ALG8: variants seen among roughly 807,000 people sequenced by gnomAD.
ALG8 encodes the protein dolichyl pyrophosphate Glc1Man9GlcNAc2 alpha-1,3-glucosyltransferase.
ALG8 carries 48 observed loss-of-function variants against 70.2 expected under a neutral mutation model. The ratio of observed to expected loss-of-function variants is 0.68; its 90% CI spans 0.54 to 0.87. The LOEUF is 0.87. Ranked by LOEUF, ALG8 falls within the 40% of genes least tolerant of loss-of-function variation. The pLI, the probability that ALG8 is intolerant of heterozygous loss-of-function variation, is 0.00. For synonymous variants in ALG8, 234 were observed against 229.0 expected, an observed-to-expected ratio of 1.02 and a Z score of -0.20; for missense variants, 572 against 608.7, an observed-to-expected ratio of 0.94 and a Z score of 0.64.
intron 12 of ALG8, among the ~76,000 whole-genome samples, chr11:78,101,870 G>A (rs759758731): frequency 5.9e-5 from 9 of 152,140 alleles, no homozygotes; most frequent in East Asian, 5.8e-4. Context: ...GAGATGGAGC[G>A]TTGCTCTGTC....
At chr11:78,112,337 A>G (rs370175906) in intron 8 of ALG8, 34 of 348,430 alleles carry the variant, frequency 9.8e-5, no homozygotes, top group East Asian at 8.0e-4. Context: ...AGCAGGGTTA[A>G]CTGCTGCTGC....
chr11:78,130,644 A>ATCTC (rs1346254701), intron 1 of ALG8, among the ~76,000 whole-genome samples: 18 of 151,970 alleles, frequency 1.2e-4, no homozygotes, highest in Non-Finnish European at 2.2e-4. Context: ...TCTTTACTTT[A>ATCTC]TGGTTTTCCC....
chr11:78,128,009 A>G (rs1354279799), intron 1 of ALG8, among the ~76,000 whole-genome samples: 1 of 152,150 alleles, frequency 6.6e-6, no homozygotes, highest in Non-Finnish European at 1.5e-5. Context: ...GCCTAGCCCA[A>G]ACTTTTTCTT....
chr11:78,112,306 T>C (rs571861906), intron 8 of ALG8: 70 of 337,982 alleles, frequency 2.1e-4, no homozygotes, highest in South Asian at 1.6e-3. Flanking sequence ...TGAATAGGAA[T>C]GGTGAGAAGG....
chr11:78,127,278 GAAAACATTTTTAATATCAGTAAT>G (rs1252836175), intron 2 of ALG8, 57 bp downstream of exon 2: 1 of 1,347,586 alleles, frequency 7.4e-7, no homozygotes, highest in African/African-American at 1.5e-5. Context: ...CACCCAGCCA[GAAAACATTTTTAATATCAGTAAT>G]ATTTACCTAG....
intron 5 of ALG8, among the ~76,000 whole-genome samples, chr11:78,115,367 A>G (rs1860510369): frequency 6.6e-6 from 1 of 151,382 alleles, no homozygotes; most frequent in African/African-American, 2.4e-5. Context: ...TATAAGGAAA[A>G]CATAGGCAAG....
At position 78,119,953 on chromosome 11, in the gene ALG8, T is replaced by G. The variant is rs541577399; in HGVS notation, c.479-704A>C. 1.2e-3 allele frequency among the ~76,000 whole-genome samples: 180 copies of G among 151,836 alleles called. 1 individual carries two copies. Among genetic ancestry groups the G allele is most frequent in the African/African-American group, 4.2e-3 (173 of 41,412 alleles). Reference sequence around the variant, plus strand: ...CCCGTCTCTACCGAAAATACAAAACTTAGTCAGATGTGGTGGCACACACCT... The same window carrying G: ...CCCGTCTCTACCGAAAATACAAAACGTAGTCAGATGTGGTGGCACACACCT... On this transcript the variant is annotated intron_variant, in intron 4 of 12. Transcript: ENST00000299626.
chr11:78,107,981 C>G (rs530132785), intron 9 of ALG8, among the ~76,000 whole-genome samples: 26 of 151,022 alleles, frequency 1.7e-4, no homozygotes, highest in African/African-American at 5.1e-4. Flanking sequence ...CCTGTCTCTA[C>G]TAAAAACTAC....
intron 5 of ALG8, chr11:78,114,835 C>T (rs649645): frequency 0.16 from 52,133 of 335,358 alleles, 4,548 homozygotes; most frequent in East Asian, 0.3. Context: ...ATTAGCTAGG[C>T]GTGATGGCTT....
intron 5 of ALG8, among the ~76,000 whole-genome samples, chr11:78,116,673 C>T (rs1045457875): frequency 1.3e-5 from 2 of 151,256 alleles, no homozygotes; most frequent in African/African-American, 4.9e-5. Context: ...TGCTGTGACT[C>T]CACCACTGCA....
At chr11:78,133,414 G>A (rs973904566) in intron 1 of ALG8, 9 of 152,084 alleles carry the variant, frequency 5.9e-5, no homozygotes, top group East Asian at 1.9e-4. Context: ...AAAAACATTC[G>A]TTTTTAAATA....
chr11:78,120,710 C>G (rs1190788801), intron 4 of ALG8, among the ~76,000 whole-genome samples: 1 of 152,234 alleles, frequency 6.6e-6, no homozygotes, highest in African/African-American at 2.4e-5. Context: ...ACCATTCCCA[C>G]ACGCACACTG....
intron 7 of ALG8, 23 bp from the exon 8 acceptor site, chr11:78,112,793 T>A (rs1443602368): frequency 6.2e-7 from 1 of 1,611,650 alleles, no homozygotes; most frequent in South Asian, 1.1e-5. Flanking sequence ...GAAATGAAAC[T>A]GATTAAACAG....
At chr11:78,125,126 G>A (rs947251647) in intron 2 of ALG8, among the ~76,000 whole-genome samples, 4 of 151,420 alleles carry the variant, frequency 2.6e-5, no homozygotes, top group South Asian at 2.1e-4. Context: ...TCCGCCTCCC[G>A]GGTTCACACC....
intron 3 of ALG8, 83 bp from the exon 4 acceptor site, chr11:78,121,257 T>C (rs575902068): frequency 9.1e-6 from 9 of 987,386 alleles, no homozygotes; most frequent in South Asian, 9.0e-5. Flanking sequence ...CTATGATACA[T>C]TAGTCATTCC....
chr11:78,114,311 C>A lies in ALG8; in HGVS notation c.628G>T (p.Gly210Cys). 1 of 1,614,106 alleles carries A rather than the reference C, an allele frequency of 6.2e-7. No homozygotes were observed. The highest frequency in any genetic ancestry group is 8.5e-7 in the Non-Finnish European group (1 of 1,179,996). Residue 210 changes from glycine (G) to cysteine (C), a missense_variant, in exon 6 of 13, where the codon GGT becomes TGT. Coordinates refer to ENST00000299626, the MANE Select transcript of ALG8 (RefSeq NM_024079.5). ...CAGTAGGATCGCAGCAGATATACAC[C>A]ATAAGCTGGTGCTACATAGAGGTAG... ...HIYLYVAPAY[G>C]VYLLRSYCFT...
At chr11:78,117,265 T>C (rs1860617693) in intron 5 of ALG8, among the ~76,000 whole-genome samples, 1 of 152,164 alleles carries the variant, frequency 6.6e-6, no homozygotes, top group African/African-American at 2.4e-5. Flanking sequence ...TGTATCAAAA[T>C]TCCTTAGAGA....
Position 78,112,643 on chromosome 11 carries a change from A to G in ALG8, c.898+7T>C, listed in dbSNP as rs755138110. On this transcript the variant is annotated splice_region_variant and intron_variant, in intron 8 of 12. Coordinates refer to ENST00000299626, the MANE Select transcript of ALG8 (RefSeq NM_024079.5). ...AGAGTCTGAGTAAAAAATGCTCGCT[A>G]CCATACCGATGACAGACAGCACTTT... 4.3e-6 allele frequency: 7 copies of G among 1,613,634 alleles called. No homozygotes were observed. The highest frequency in any genetic ancestry group is 5.9e-6 in the Non-Finnish European group (7 of 1,179,644).
intron 5 of ALG8, chr11:78,114,655 CA>C (rs1860475684): frequency 2.0e-6 from 1 of 495,400 alleles, no homozygotes; most frequent in African/African-American, 1.9e-5. Flanking sequence ...AATTATCCTA[CA>C]AAAAGGTTAT....
Sources: allele counts gnomAD v4.1 joint callset (sites outside exome capture counted in the v4.1 genomes callset), GRCh38; gene constraint gnomAD v4.1.1; transcripts MANE v1.5; gene names NCBI Gene and HGNC (gene_info 2026-07-23, HGNC 2026-07-21).